PGM2L1: variants seen among roughly 807,000 people sequenced by gnomAD.
The protein encoded by PGM2L1 is phosphoglucomutase 2 like 1.
In PGM2L1, 35 loss-of-function variants were observed where a neutral mutation model predicts 73.4. That is an observed-to-expected ratio of 0.48 (90% CI 0.36 to 0.63). The LOEUF is 0.63. PGM2L1 is among the 30% of genes least tolerant of loss of function. The pLI is 0.00. For missense variants in PGM2L1, 570 were observed against 742.0 expected (o/e 0.77, Z 2.69); for synonymous variants, 225 against 253.8 (o/e 0.89, Z 1.08).
intron 9 of PGM2L1, among the ~76,000 whole-genome samples, chr11:74,344,384 A>G (rs944366626): frequency 6.6e-6 from 1 of 152,172 alleles, no homozygotes; most frequent in Non-Finnish European, 1.5e-5. Context: ...TGTCCTAACT[A>G]TTAATAAAAC....
At chr11:74,385,908 T>C (rs1380455203) in intron 1 of PGM2L1, among the ~76,000 whole-genome samples, 5 of 152,204 alleles carry the variant, frequency 3.3e-5, no homozygotes, top group Admixed American at 6.5e-5. Context: ...TTACATGTTA[T>C]AGAAATAATC....
intron 5 of PGM2L1, among the ~76,000 whole-genome samples, chr11:74,365,807 T>C (rs1862646432): frequency 6.6e-6 from 1 of 152,220 alleles, no homozygotes; most frequent in Non-Finnish European, 1.5e-5. Context: ...AGTGTGGCGA[T>C]TCCTCAAGGA....
At chr11:74,360,436 G>A (rs1264600041) in intron 5 of PGM2L1, among the ~76,000 whole-genome samples, 1 of 151,970 alleles carries the variant, frequency 6.6e-6, no homozygotes, top group Non-Finnish European at 1.5e-5. Context: ...GCGGTTCCAA[G>A]ATGGCCGAAT....
chr11:74,370,927 GA>G lies in PGM2L1; in HGVS notation c.445del (p.Ser149GlnfsTer22). On this transcript the variant is annotated frameshift_variant, in exon 4 of 14. Transcript: ENST00000298198. LOFTEE classifies it high-confidence loss of function. ...TACAAAAGGTGTAGGAACATATCTTGAAAAAAGGTACACAGGAACATCTTTG... is the reference window on the plus strand; with the variant it reads ...TACAAAAGGTGTAGGAACATATCTTGAAAAAGGTACACAGGAACATCTTTG... Reference protein sequence around the residue: ...LAKDVPVYLFSRYVPTPFVPY... With the variant: ...LAKDVPVYLFXRYVPTPFVPY... 2 of 1,612,366 alleles carry G rather than the reference GA, an allele frequency of 1.2e-6. No homozygotes were observed. The highest frequency in any genetic ancestry group is 8.5e-7 in the Non-Finnish European group (1 of 1,178,822).
chr11:74,347,110 T>G, intron 7 of PGM2L1, 38 bp downstream of exon 7: 1 of 1,395,576 alleles, frequency 7.2e-7, no homozygotes, highest in Admixed American at 2.6e-5. Flanking sequence ...TCTGATGGTT[T>G]AATAAACTAA....
intron 5 of PGM2L1, among the ~76,000 whole-genome samples, chr11:74,357,920 A>C (rs1291276239): frequency 6.6e-6 from 1 of 152,228 alleles, no homozygotes; most frequent in Admixed American, 6.5e-5. Context: ...CCAATCTAAA[A>C]AGGCTATATA....
intron 1 of PGM2L1, among the ~76,000 whole-genome samples, chr11:74,376,165 A>C (rs940066904): frequency 2.6e-5 from 4 of 152,186 alleles, no homozygotes; most frequent in Non-Finnish European, 5.9e-5. Flanking sequence ...AATAACATTT[A>C]TTCATATAAG....
chr11:74,378,237 G>C (rs532738952), intron 1 of PGM2L1, among the ~76,000 whole-genome samples: 10 of 152,182 alleles, frequency 6.6e-5, no homozygotes, highest in African/African-American at 2.4e-4. Flanking sequence ...GGGAGGCAGA[G>C]GTTTTAGTGA....
At chr11:74,344,925 T>A (rs560269266) in intron 9 of PGM2L1, among the ~76,000 whole-genome samples, 1 of 152,310 alleles carries the variant, frequency 6.6e-6, no homozygotes, top group African/African-American at 2.4e-5. Flanking sequence ...TTGGCAAAGA[T>A]GGCAGAGAAA....
rs1491089030 is a variant in PGM2L1, at chr11:74,351,971, AAT to A, written c.556-397_556-396del. On this transcript the variant is annotated intron_variant, in intron 5 of 13. Coordinates refer to ENST00000298198, the MANE Select transcript of PGM2L1 (RefSeq NM_173582.6). ...AGCGAGACTCTGTCTCAAAAAAAAA[AAT>A]AAATAAAAATAAAAATAAAAATAAA... is the stretch of plus-strand genomic sequence containing the variant. Among the ~76,000 whole-genome samples, 286 of 101,400 alleles carry A rather than the reference AAT, an allele frequency of 2.8e-3. 2 individuals carry two copies. Among genetic ancestry groups the A allele is most frequent in the African/African-American group, 3.8e-3 (142 of 37,666 alleles). 66.5% of individuals were successfully genotyped at this position (101,400 alleles called of 152,430 possible). A position where few individuals can be genotyped will look rare whatever the true frequency, so the allele number is the denominator to read the frequency against.
chr11:74,364,066 A>C (rs1442697948), intron 5 of PGM2L1, among the ~76,000 whole-genome samples: 1 of 152,244 alleles, frequency 6.6e-6, no homozygotes, highest in African/African-American at 2.4e-5. Flanking sequence ...CGACATATGC[A>C]AATCAATAAA....
At chr11:74,353,121 A>G (rs1862383497) in intron 5 of PGM2L1, among the ~76,000 whole-genome samples, 2 of 152,198 alleles carry the variant, frequency 1.3e-5, no homozygotes, top group Admixed American at 1.3e-4. Flanking sequence ...GCCCCCAGTC[A>G]GTGAAATCCT....
chr11:74,354,842 G>A (rs1350505851), intron 5 of PGM2L1: 12 of 877,270 alleles, frequency 1.4e-5, no homozygotes, highest in South Asian at 3.9e-5. Flanking sequence ...AAAATGAAGC[G>A]ACTGTAATCA....
At chr11:74,385,798 A>G (rs1233147827) in intron 1 of PGM2L1, among the ~76,000 whole-genome samples, 3 of 152,136 alleles carry the variant, frequency 2.0e-5, no homozygotes, top group African/African-American at 7.2e-5. Context: ...TTCTTTTTCA[A>G]TAAAGCCCAA....
intron 5 of PGM2L1, among the ~76,000 whole-genome samples, chr11:74,352,085 A>C (rs1430679105): frequency 6.6e-6 from 1 of 152,104 alleles, no homozygotes; most frequent in Non-Finnish European, 1.5e-5. Flanking sequence ...ATGACTCTAC[A>C]GGGACTCTTC....
Position 74,338,254 on chromosome 11 carries a change from G to A in PGM2L1, c.1766+214C>T, listed in dbSNP as rs115230280. 1.3e-3 allele frequency among the ~76,000 whole-genome samples: 205 copies of A among 152,266 alleles called. 1 individual carries two copies. Among genetic ancestry groups the A allele is most frequent in the African/African-American group, 4.7e-3 (196 of 41,554 alleles). On this transcript the variant is annotated intron_variant, in intron 13 of 13. Coordinates refer to ENST00000298198, the MANE Select transcript of PGM2L1 (RefSeq NM_173582.6). ...AAGACAGTAGATTGGGGTTGCTGAGGGCCGTAAAGGAGGGAAATGGGAAGT... is the reference window on the plus strand; with the variant it reads ...AAGACAGTAGATTGGGGTTGCTGAGAGCCGTAAAGGAGGGAAATGGGAAGT...
At chr11:74,350,675 G>A (rs921532372) in intron 6 of PGM2L1, among the ~76,000 whole-genome samples, 1 of 152,082 alleles carries the variant, frequency 6.6e-6, no homozygotes, top group East Asian at 1.9e-4. Context: ...TCAGGAGTTC[G>A]AGACCAGCCT....
chr11:74,364,997 G>T (rs1218982034), intron 5 of PGM2L1, among the ~76,000 whole-genome samples: 1 of 150,742 alleles, frequency 6.6e-6, no homozygotes, highest in African/African-American at 2.4e-5. Flanking sequence ...AAACAGCATG[G>T]TACTGGTACC....
At chr11:74,365,718 A>G (rs1383796235) in intron 5 of PGM2L1, among the ~76,000 whole-genome samples, 2 of 152,188 alleles carry the variant, frequency 1.3e-5, no homozygotes, top group African/African-American at 4.8e-5. Flanking sequence ...AACAACAGGT[A>G]CTGGAGAGCA....
Sources: allele counts gnomAD v4.1 joint callset (sites outside exome capture counted in the v4.1 genomes callset), GRCh38; gene constraint gnomAD v4.1.1; transcripts MANE v1.5; gene names NCBI Gene and HGNC (gene_info 2026-07-23, HGNC 2026-07-21).